The following LUZP2 variants were observed in gnomAD, a reference collection of about 807,000 sequenced individuals.
LUZP2 encodes leucine zipper protein 2.
Under a neutral mutation model 51.6 loss-of-function variants are expected in LUZP2, and 52 were observed. That is an observed-to-expected ratio of 1.01 (90% CI 0.81 to 1.27). The LOEUF is 1.27. Ranked by LOEUF, LUZP2 falls within the 50% of genes most tolerant of loss-of-function variation. The pLI, the probability that LUZP2 is intolerant of heterozygous loss-of-function variation, is 0.00. For synonymous variants in LUZP2, 154 were observed against 137.3 expected, an observed-to-expected ratio of 1.12 and a Z score of -0.85; for missense variants, 436 against 395.4, an observed-to-expected ratio of 1.10 and a Z score of -0.87.
At chr11:25,045,384 A>C (rs148113504) in intron 9 of LUZP2, among the ~76,000 whole-genome samples, 4 of 151,260 alleles carry the variant, frequency 2.6e-5, no homozygotes, top group Admixed American at 6.6e-5. Flanking sequence ...GTAAAGAATA[A>C]CTGAAAAAAA....
chr11:24,735,006 C>T (rs543513122), intron 3 of LUZP2, among the ~76,000 whole-genome samples: 1 of 151,846 alleles, frequency 6.6e-6, no homozygotes, highest in South Asian at 2.1e-4. Context: ...GAGGTGGCCA[C>T]CGAAACAAAA....
At chr11:24,684,345 C>T (rs1331099814) in intron 1 of LUZP2, among the ~76,000 whole-genome samples, 2 of 152,168 alleles carry the variant, frequency 1.3e-5, no homozygotes, top group African/African-American at 2.4e-5. Flanking sequence ...CTGAACTTCC[C>T]TTTACTTCCT....
Position 25,026,559 on chromosome 11 carries a change from A to G in LUZP2, c.766-23479A>G, listed in dbSNP as rs1857497863. Among the ~76,000 whole-genome samples, 4 of 152,222 alleles carry G rather than the reference A, an allele frequency of 2.6e-5. No individual in the cohort carries two copies. The South Asian group carries it at 8.3e-4, about 32-fold the overall frequency. ...GATTATTTTTTTCTAATTAATTTTT[A>G]CAAATGTCCAGTATTAGCATTGACT... is the stretch of plus-strand genomic sequence containing the variant. On this transcript the variant is annotated intron_variant, in intron 9 of 11. Transcript: ENST00000336930.
At chr11:24,815,435 G>T (rs1323402619) in intron 5 of LUZP2, among the ~76,000 whole-genome samples, 1 of 152,130 alleles carries the variant, frequency 6.6e-6, no homozygotes, top group Non-Finnish European at 1.5e-5. Context: ...AAGTGGCTAT[G>T]GAATTGGATG....
At chr11:24,845,857 C>G (rs1001527120) in intron 5 of LUZP2, among the ~76,000 whole-genome samples, 4 of 152,112 alleles carry the variant, frequency 2.6e-5, no homozygotes, top group African/African-American at 9.7e-5. Flanking sequence ...TACGAAGCCT[C>G]TTTTTCTTCC....
intron 10 of LUZP2, among the ~76,000 whole-genome samples, chr11:25,071,833 A>T (rs1469038356): frequency 5.9e-5 from 4 of 67,642 alleles, no homozygotes; most frequent in African/African-American, 1.9e-4. Context: ...AAGAAATAAA[A>T]AATTTAAAAA....
At chr11:24,668,451 G>C (rs945260737) in intron 1 of LUZP2, among the ~76,000 whole-genome samples, 1 of 152,124 alleles carries the variant, frequency 6.6e-6, no homozygotes, top group African/African-American at 2.4e-5. Context: ...CAAATGACAT[G>C]CTGAAAGGTC....
chr11:25,014,217 C>A (rs535911368), intron 9 of LUZP2, among the ~76,000 whole-genome samples: 3 of 152,114 alleles, frequency 2.0e-5, no homozygotes, highest in Non-Finnish European at 4.4e-5. Context: ...CATACGTGTG[C>A]GTGTGTCTTT....
chr11:24,550,317 A>T (rs916698262), intron 1 of LUZP2, among the ~76,000 whole-genome samples: 1 of 152,120 alleles, frequency 6.6e-6, no homozygotes, highest in Non-Finnish European at 1.5e-5. Context: ...TTAACATTGT[A>T]TCATGGTTTA....
At chr11:24,944,741 G>A (rs563389531) in intron 7 of LUZP2, among the ~76,000 whole-genome samples, 1 of 152,098 alleles carries the variant, frequency 6.6e-6, no homozygotes, top group Non-Finnish European at 1.5e-5. Flanking sequence ...GAGAGAATAG[G>A]GAGTTTCAGT....
At chr11:24,540,050 T>G (rs956597586) in intron 1 of LUZP2, among the ~76,000 whole-genome samples, 3 of 152,062 alleles carry the variant, frequency 2.0e-5, no homozygotes, top group African/African-American at 7.2e-5. Flanking sequence ...TATGAAAAAT[T>G]TAATAGAAAC....
chr11:24,657,739 A>G (rs1302537501), intron 1 of LUZP2, among the ~76,000 whole-genome samples: 2 of 152,200 alleles, frequency 1.3e-5, no homozygotes, highest in Non-Finnish European at 2.9e-5. Context: ...GTCTCAGGAT[A>G]CAAAATCAAT....
intron 1 of LUZP2, among the ~76,000 whole-genome samples, chr11:24,719,599 G>T (rs1021936686): frequency 6.6e-6 from 1 of 152,172 alleles, no homozygotes; most frequent in Non-Finnish European, 1.5e-5. Context: ...GTAGTACATT[G>T]TTTGCAAATA....
chr11:25,049,098 G>A (rs1449988431), intron 9 of LUZP2, among the ~76,000 whole-genome samples: 2 of 152,148 alleles, frequency 1.3e-5, no homozygotes, highest in Admixed American at 1.3e-4. Flanking sequence ...ATGCTGTGTA[G>A]AAAGTAGCGC....
intron 5 of LUZP2, among the ~76,000 whole-genome samples, chr11:24,764,519 A>G: frequency 7.0e-6 from 1 of 142,238 alleles, no homozygotes; most frequent in African/African-American, 2.6e-5. Flanking sequence ...AAAAAAAATT[A>G]GCTGGGAGTG....
At chr11:25,004,323 G>C (rs1856775838) in intron 9 of LUZP2, among the ~76,000 whole-genome samples, 1 of 152,168 alleles carries the variant, frequency 6.6e-6, no homozygotes, top group South Asian at 2.1e-4. Context: ...AGCCCTACCA[G>C]ATGATTGGCC....
intron 7 of LUZP2, among the ~76,000 whole-genome samples, chr11:24,916,063 A>G (rs1399978651): frequency 6.6e-6 from 1 of 151,966 alleles, no homozygotes; most frequent in Non-Finnish European, 1.5e-5. Context: ...AAACATTTAC[A>G]TTTCATCCTA....
chr11:24,900,897 A>G (rs904004000), intron 5 of LUZP2, among the ~76,000 whole-genome samples: 1 of 152,166 alleles, frequency 6.6e-6, no homozygotes, highest in African/African-American at 2.4e-5. Context: ...TAATTTGTCT[A>G]AGATTTTCCC....
At chr11:24,942,362 A>G (rs901841521) in intron 7 of LUZP2, among the ~76,000 whole-genome samples, 2 of 152,138 alleles carry the variant, frequency 1.3e-5, no homozygotes, top group Admixed American at 6.5e-5. Context: ...CTTTCCTGGC[A>G]ATACTTGGTT....
Sources: gnomAD v4.1 joint callset for allele counts (sites outside exome capture counted in the v4.1 genomes callset) on GRCh38, gnomAD v4.1.1 for gene constraint, MANE v1.5 for transcripts, NCBI Gene and HGNC (gene_info 2026-07-23, HGNC 2026-07-21) for gene names.